NXPE2: variants seen among roughly 807,000 people sequenced by gnomAD.
NXPE2 encodes neurexophilin and PC-esterase domain family member 2, also known as NXPE family member 2.
NXPE2 carries 34 observed loss-of-function variants against 34.4 expected under a neutral mutation model. The observed-to-expected ratio is 0.99, with a 90% confidence interval of 0.75 to 1.31. NXPE2 has a LOEUF of 1.31. Among genes scored for constraint, NXPE2 ranks in the 40% most tolerant of loss-of-function variants. NXPE2 has a pLI of 0.00. For missense variants in NXPE2, 649 were observed against 672.5 expected, an observed-to-expected ratio of 0.97 and a Z score of 0.39; for synonymous variants, 235 against 231.3, an observed-to-expected ratio of 1.02 and a Z score of -0.15.
At chr11:114,789,097 A>C in the NXPE2 span, among the ~76,000 whole-genome samples, 1 of 152,232 alleles carries the variant, frequency 6.6e-6, no homozygotes, top group Non-Finnish European at 1.5e-5. Flanking sequence ...AAATAAGTTC[A>C]AAAGATCTAT....
the NXPE2 span, chr11:114,571,036 C>T: frequency 1.7e-5 from 27 of 1,613,190 alleles, no homozygotes; most frequent in East Asian, 2.2e-5. Flanking sequence ...ATATCCCAGG[C>T]ATCAATGATA....
chr11:114,705,574 CCAAGAAAAACTATT>C (rs1447836858), intron 4 of NXPE2, among the ~76,000 whole-genome samples, 193 bp from the exon 5 acceptor site: 1 of 151,994 alleles, frequency 6.6e-6, no homozygotes, highest in Non-Finnish European at 1.5e-5. Flanking sequence ...GATCCCCACT[CCAAGAAAAACTATT>C]CAAGAAAAGC....
chr11:114,626,441 T>G, the NXPE2 span, among the ~76,000 whole-genome samples: 2 of 151,502 alleles, frequency 1.3e-5, no homozygotes, highest in Admixed American at 6.6e-5. Flanking sequence ...GGCCGGGTAC[T>G]CCAACAGACC....
the NXPE2 span, among the ~76,000 whole-genome samples, chr11:114,540,885 TGG>T: frequency 4.9e-5 from 4 of 81,288 alleles, no homozygotes; most frequent in East Asian, 4.3e-4. Flanking sequence ...TTTTTTTTTT[TGG>T]CTTGAACAAC....
chr11:114,512,458 A>C, the NXPE2 span, among the ~76,000 whole-genome samples: 1 of 152,060 alleles, frequency 6.6e-6, no homozygotes, highest in Admixed American at 6.6e-5. Flanking sequence ...GCAGCCACGT[A>C]AGTTTAATAA....
chr11:114,733,251 G>A, the NXPE2 span, among the ~76,000 whole-genome samples: 1 of 152,090 alleles, frequency 6.6e-6, no homozygotes, highest in Non-Finnish European at 1.5e-5. Flanking sequence ...CCACCAACAC[G>A]CCCGGCTAAT....
the NXPE2 span, among the ~76,000 whole-genome samples, chr11:114,672,688 A>G: frequency 6.6e-6 from 1 of 151,942 alleles, no homozygotes; most frequent in Non-Finnish European, 1.5e-5. Flanking sequence ...TAGACTTTAA[A>G]AGCCATAATG....
At chr11:114,688,205 A>T (rs1195321984) in intron 2 of NXPE2, among the ~76,000 whole-genome samples, 1 of 152,054 alleles carries the variant, frequency 6.6e-6, no homozygotes, top group South Asian at 2.1e-4. Flanking sequence ...GTTCATTATG[A>T]TGTTGGCTGT....
chr11:114,601,940 A>T, the NXPE2 span, among the ~76,000 whole-genome samples: 1 of 81,086 alleles, frequency 1.2e-5, no homozygotes, highest in Non-Finnish European at 2.1e-5. Flanking sequence ...TATATATATT[A>T]TATAATTATA....
chr11:114,662,373 C>T, the NXPE2 span, among the ~76,000 whole-genome samples: 1 of 152,280 alleles, frequency 6.6e-6, no homozygotes, highest in East Asian at 1.9e-4. Context: ...GGGAATTACC[C>T]ATCCGGGTTG....
At chr11:114,579,419 G>A in the NXPE2 span, among the ~76,000 whole-genome samples, 1 of 152,154 alleles carries the variant, frequency 6.6e-6, no homozygotes, top group Non-Finnish European at 1.5e-5. Flanking sequence ...TGATTGGTGA[G>A]AAACACCAGG....
the NXPE2 span, among the ~76,000 whole-genome samples, chr11:114,620,388 ACC>A: frequency 6.6e-6 from 1 of 152,066 alleles, no homozygotes; most frequent in Non-Finnish European, 1.5e-5. Context: ...CTCGTGGGTA[ACC>A]ACTGTTACCC....
chr11:114,571,303 C>T, the NXPE2 span: 1 of 1,613,900 alleles, frequency 6.2e-7, no homozygotes, highest in East Asian at 2.2e-5. Flanking sequence ...TTTTCTCCTC[C>T]AGTTCTGTCA....
At chr11:114,563,567 A>G in the NXPE2 span, among the ~76,000 whole-genome samples, 1,033 of 152,326 alleles carry the variant, frequency 6.8e-3, 14 homozygotes, top group African/African-American at 0.022. Context: ...TTCACTAACT[A>G]TGCATCTGAC....
the NXPE2 span, among the ~76,000 whole-genome samples, chr11:114,547,446 T>C: frequency 1.3e-5 from 2 of 152,166 alleles, no homozygotes; most frequent in Admixed American, 1.3e-4. Context: ...CAATGAAATA[T>C]AATGTTGGCT....
the NXPE2 span, among the ~76,000 whole-genome samples, chr11:114,593,985 C>T: frequency 6.6e-6 from 1 of 151,860 alleles, no homozygotes; most frequent in African/African-American, 2.4e-5. Context: ...TAATTGAAGT[C>T]ATGGAGTTAG....
At chr11:114,796,029 T>C in the NXPE2 span, among the ~76,000 whole-genome samples, 1 of 152,182 alleles carries the variant, frequency 6.6e-6, no homozygotes, top group African/African-American at 2.4e-5. Flanking sequence ...TGTGGTGTTG[T>C]AGGAGAAAGG....
chr11:114,601,642 TATAATTATATATTATAA>T, the NXPE2 span, among the ~76,000 whole-genome samples: 1 of 84,374 alleles, frequency 1.2e-5, no homozygotes, highest in South Asian at 3.1e-4. Flanking sequence ...TATAATTATA[TATAATTATATATTATAA>T]ATAATTATAT....
chr11:114,768,769 C>T, the NXPE2 span, among the ~76,000 whole-genome samples: 1 of 152,138 alleles, frequency 6.6e-6, no homozygotes, highest in Admixed American at 6.5e-5. Flanking sequence ...TATCCTGAGA[C>T]TTTGCTGAAG....
Sources: allele counts gnomAD v4.1 joint callset (sites outside exome capture counted in the v4.1 genomes callset), GRCh38; gene constraint gnomAD v4.1.1; transcripts MANE v1.5; gene names NCBI Gene and HGNC (gene_info 2026-07-23, HGNC 2026-07-21).